OR9G4: variants seen among roughly 807,000 people sequenced by gnomAD.
The protein encoded by OR9G4 is olfactory receptor family 9 subfamily G member 4, also known as olfactory receptor 9G4.
In OR9G4, 19 loss-of-function variants were observed where a neutral mutation model predicts 16.7. The observed-to-expected ratio is 1.14, with a 90% CI of 0.79 to 1.67. The LOEUF (loss-of-function observed/expected upper bound fraction) is 1.67. OR9G4 is among the 40% of genes most tolerant of loss of function. The probability of loss-of-function intolerance (pLI) is 0.00; values close to 1 mark genes in which losing one functional copy is unlikely to be tolerated. For synonymous variants in OR9G4, 182 were observed against 146.2 expected, an observed-to-expected ratio of 1.24 and a Z score of -1.76; for missense variants, 428 against 370.4, an observed-to-expected ratio of 1.16 and a Z score of -1.28.
Position 56,743,135 on chromosome 11 carries a change from A to G in OR9G4, c.632T>C (p.Ile211Thr). ...GACATAGGAAATCAGGATAGCAAGA[A>G]TGCTGGAGAGTACTGTGAAGCCCAC... is the stretch of plus-strand genomic sequence containing the variant. ...GVVGFTVLSSILAILISYVNI... is the reference protein window; with the variant it reads ...GVVGFTVLSSTLAILISYVNI... The change falls in exon 2 of 2, where the codon ATT (isoleucine) becomes ACT (threonine). Residue 211 changes from isoleucine to threonine, a missense_variant. Ile to Thr is a moderately conservative substitution (Grantham distance 89). Coordinates refer to ENST00000641668, the MANE Select transcript of OR9G4 (RefSeq NM_001005284.2). 6.2e-7 allele frequency: 1 copy of G among 1,614,104 alleles called. No individual in the cohort carries two copies. Among genetic ancestry groups the G allele is most frequent in the African/African-American group, 1.3e-5 (1 of 75,042 alleles).
intron 1 of OR9G4, among the ~76,000 whole-genome samples, chr11:56,746,745 G>T (rs1008385575): frequency 6.6e-6 from 1 of 152,054 alleles, no homozygotes; most frequent in Non-Finnish European, 1.5e-5. Flanking sequence ...CAAAAATTTG[G>T]AATCAGTCTA....
intron 1 of OR9G4, among the ~76,000 whole-genome samples, chr11:56,744,779 G>T (rs770708671): frequency 2.0e-5 from 3 of 152,122 alleles, no homozygotes; most frequent in Non-Finnish European, 4.4e-5. Flanking sequence ...AAGACATCTG[G>T]CTGCGCTCAC....
In OR9G4 at chr11:56,743,287, A is replaced by G; in HGVS notation, c.480T>C (p.Thr160=). The G allele has an allele frequency of 6.2e-7, 1 of 1,614,160 alleles. No homozygotes were observed. The highest frequency in any genetic ancestry group is 8.5e-7 in the Non-Finnish European group (1 of 1,180,022). ...IGGFLNAIAH[T]ANTFRLHFCG... ...AAAAATGCAGGCGGAATGTATTGGC[A>G]GTATGGGCTATGGCATTCAAAAATC... The change falls in exon 2 of 2, where the codon ACT becomes ACC. Residue 160 remains threonine (T), a synonymous_variant. Transcript: ENST00000641668.
rs1858314803 is a variant in OR9G4, at chr11:56,742,361, A to G, written c.*467T>C. On this transcript the variant is annotated 3_prime_UTR_variant, in exon 2 of 2. Transcript: ENST00000641668. Reference sequence around the variant, plus strand: ...TACAAAGATACTCCCTATATGCTCAATTAGAGCTTTCTGAAGAAATTTTGA... The same window carrying G: ...TACAAAGATACTCCCTATATGCTCAGTTAGAGCTTTCTGAAGAAATTTTGA... 1 of 159,656 alleles carries G rather than the reference A, an allele frequency of 6.3e-6. No individual in the cohort carries two copies. Among genetic ancestry groups the G allele is most frequent in the Non-Finnish European group, 1.4e-5 (1 of 72,624 alleles). The allele number at this position is 159,656 out of a possible 1,614,324, so 9.9% of individuals were successfully genotyped here.
Position 56,742,786 on chromosome 11 carries a change from A to G in OR9G4, c.*42T>C, listed in dbSNP as rs751454356. On this transcript the variant is annotated 3_prime_UTR_variant, in exon 2 of 2. Transcript: ENST00000641668. ...AAATGAACACATTTATAAGCCAATA[A>G]TCTGGAAAATTCAATAACAGCATTT... The G allele has an allele frequency of 1.2e-5, 19 of 1,559,228 alleles. No homozygotes were observed. The highest frequency in any genetic ancestry group is 1.6e-5 in the Non-Finnish European group (18 of 1,147,522).
chr11:56,742,413 T>C lies in OR9G4; in HGVS notation c.*415A>G, dbSNP rs1159201195. 6.2e-6 allele frequency: 1 copy of C among 160,278 alleles called. No individual in the cohort carries two copies. The highest frequency in any genetic ancestry group is 1.4e-5 in the Non-Finnish European group (1 of 73,194). The allele number at this position is 160,278 out of a possible 1,614,324, so 9.9% of individuals were successfully genotyped here. A position where few individuals can be genotyped will look rare whatever the true frequency, so the allele number is the denominator to read the frequency against. On this transcript the variant is annotated 3_prime_UTR_variant, in exon 2 of 2. Coordinates refer to ENST00000641668, the MANE Select transcript of OR9G4 (RefSeq NM_001005284.2). ...GAAATGATTTTCTTAAAATAAATAT[T>C]TGTAAAATCTTGAGCATATTTCCAG...
rs1418058766 is a variant in OR9G4, at chr11:56,742,936, G to C, written c.831C>G (p.Phe277Leu). 1 of 1,614,112 alleles carries C rather than the reference G, an allele frequency of 6.2e-7. No individual in the cohort carries two copies. Among genetic ancestry groups the C allele is most frequent in the African/African-American group, 1.3e-5 (1 of 75,040 alleles). ...SLERDKVAAL[F>L]YTVINPLLNP... The stretch of plus-strand genomic sequence containing the variant: ...TGAGCAGTGGGTTGATCACGGTGTA[G>C]AACAGAGCAGCTACTTTGTCCCTCT... Residue 277 changes from phenylalanine to leucine, a missense_variant, in exon 2 of 2, where the codon TTC becomes TTG. Physicochemically the swap from Phe to Leu is conservative, Grantham distance 22. Coordinates refer to ENST00000641668, the MANE Select transcript of OR9G4 (RefSeq NM_001005284.2).
rs1356266243 is a variant in OR9G4 at position 56,743,800 on chromosome 11, A to T, written c.-22-12T>A. On this transcript the variant is annotated splice_polypyrimidine_tract_variant and intron_variant, in intron 1 of 1. Transcript: ENST00000641668. ...AGGTGAAAGCCTGACTATCATGAGA[A>T]GGGAAAATCATCACTTAGTGTTTTT... 6.2e-7 allele frequency: 1 copy of T among 1,608,770 alleles called. No individual in the cohort carries two copies. The highest frequency in any genetic ancestry group is 1.3e-5 in the African/African-American group (1 of 74,664).
rs1858322639 is a variant in OR9G4, at chr11:56,742,842, G to GTA, written c.923_924dup (p.Gln309TyrfsTer16). ...GAGAATAACCTTCATGTTTGTGGTT[G>GTA]TATAGTCTGTGTTGCTTTCCTGAAG... On this transcript the variant is annotated frameshift_variant, in exon 2 of 2. Transcript: ENST00000641668. LOFTEE classifies it high-confidence loss of function. 3 of 1,613,472 alleles carry GTA rather than the reference G, an allele frequency of 1.9e-6. No homozygotes were observed. Among genetic ancestry groups the GTA allele is most frequent in the Non-Finnish European group, 2.5e-6 (3 of 1,179,774 alleles).
chr11:56,744,181 C>T (rs2135059820), intron 1 of OR9G4, among the ~76,000 whole-genome samples: 1 of 152,202 alleles, frequency 6.6e-6, no homozygotes, highest in East Asian at 1.9e-4. Context: ...AATTCTCCTG[C>T]CTCAGCCTCC....
At chr11:56,745,031 T>C (rs947793600) in intron 1 of OR9G4, among the ~76,000 whole-genome samples, 1 of 152,166 alleles carries the variant, frequency 6.6e-6, no homozygotes, top group Non-Finnish European at 1.5e-5. Flanking sequence ...CACCTACGTG[T>C]ATTTACCTCC....
intron 1 of OR9G4, among the ~76,000 whole-genome samples, chr11:56,747,365 T>C (rs1035660307): frequency 5.3e-5 from 8 of 152,072 alleles, no homozygotes; most frequent in Admixed American, 1.3e-4. Flanking sequence ...TTAAATTCCA[T>C]GCCCCTTTTA....
rs1212401564 is a variant in OR9G4 at position 56,743,408 on chromosome 11, T to C, written c.359A>G (p.Tyr120Cys). Residue 120 changes from tyrosine (Y) to cysteine (C), a missense_variant, in exon 2 of 2, where the codon TAT becomes TGT. Coordinates refer to ENST00000641668, the MANE Select transcript of OR9G4 (RefSeq NM_001005284.2). ...TECYLLAAMA[Y>C]DRHAAICNPL... The stretch of plus-strand genomic sequence containing the variant: ...GTTACAAATTGCTGCATGGCGGTCA[T>C]ATGCCATGGCTGCCAGGAGATAGCA... 7.4e-6 allele frequency: 12 copies of C among 1,614,106 alleles called. No homozygotes were observed. Among genetic ancestry groups the C allele is most frequent in the Middle Eastern group, 1.6e-4 (1 of 6,062 alleles).
chr11:56,746,154 G>A (rs552217747), intron 1 of OR9G4, among the ~76,000 whole-genome samples: 11 of 150,548 alleles, frequency 7.3e-5, no homozygotes, highest in Middle Eastern at 3.4e-3. Flanking sequence ...TTAGCCGGGC[G>A]TAGTGGCGGG....
chr11:56,744,853 C>G (rs1858380048), intron 1 of OR9G4, among the ~76,000 whole-genome samples: 1 of 152,176 alleles, frequency 6.6e-6, no homozygotes, highest in Admixed American at 6.5e-5. Flanking sequence ...TCTATATGAT[C>G]CAGCCTACAG....
At position 56,741,764 on chromosome 11, in the gene OR9G4, A is replaced by G. The variant is rs1858303728; in HGVS notation, c.*1064T>C. 2.0e-5 allele frequency: 3 copies of G among 151,730 alleles called. No homozygotes were observed. The South Asian group carries it at 6.2e-4, about 31-fold the overall frequency. The allele number at this position is 151,730 out of a possible 1,614,324, so 9.4% of individuals were successfully genotyped here. ...CAAAGTTGCTAACCTCTGAGCTGCA[A>G]GCTTGTGATTTGAAAATTGTAACCA... On this transcript the variant is annotated 3_prime_UTR_variant, in exon 2 of 2. Coordinates refer to ENST00000641668, the MANE Select transcript of OR9G4 (RefSeq NM_001005284.2).
intron 1 of OR9G4, among the ~76,000 whole-genome samples, chr11:56,746,667 G>A (rs1009035147): frequency 1.3e-5 from 2 of 152,158 alleles, no homozygotes; most frequent in African/African-American, 4.8e-5. Context: ...CTAATCTGCA[G>A]TTCCAAAAAT....
intron 1 of OR9G4, among the ~76,000 whole-genome samples, chr11:56,745,090 C>G (rs754451063): frequency 6.6e-6 from 1 of 152,112 alleles, no homozygotes; most frequent in Non-Finnish European, 1.5e-5. Context: ...ATTTTCTGGA[C>G]AGAACATCAA....
rs192854934 is a variant in OR9G4 at position 56,743,140 on chromosome 11, G to A, written c.627C>T (p.Ser209=). ...AGGAAATCAGGATAGCAAGAATGCT[G>A]GAGAGTACTGTGAAGCCCACCACAC... is the stretch of plus-strand genomic sequence containing the variant. ...LLGVVGFTVL[S]SILAILISYV... Residue 209 remains serine (S), a synonymous_variant, in exon 2 of 2, where the codon TCC becomes TCT. Transcript: ENST00000641668. 2 of 1,614,002 alleles carry A rather than the reference G, an allele frequency of 1.2e-6. No individual in the cohort carries two copies. Among genetic ancestry groups the A allele is most frequent in the East Asian group, 2.2e-5 (1 of 44,886 alleles).
Sources: gnomAD v4.1 joint callset for allele counts (sites outside exome capture counted in the v4.1 genomes callset) on GRCh38, gnomAD v4.1.1 for gene constraint, MANE v1.5 for transcripts, NCBI Gene and HGNC (gene_info 2026-07-23, HGNC 2026-07-21) for gene names.